Variants in PSTPIP2 observed in about 807,000 individuals in gnomAD.
PSTPIP2 encodes the protein proline-serine-threonine phosphatase interacting protein 2, also known as proline-serine-threonine phosphatase-interacting protein 2.
A neutral mutation model predicts 63.3 loss-of-function variants in PSTPIP2; 33 were observed. That is an observed-to-expected ratio of 0.52 (90% confidence interval 0.40 to 0.70). The LOEUF (loss-of-function observed/expected upper bound fraction) is 0.70, where lower values mean the gene tolerates loss of function less well. Among genes scored for constraint, PSTPIP2 ranks in the 30% least tolerant of loss-of-function variants. The pLI is 0.00. For missense variants in PSTPIP2, 312 were observed against 400.7 expected, an observed-to-expected ratio of 0.78 and a Z score of 1.89; for synonymous variants, 125 against 132.7, an observed-to-expected ratio of 0.94 and a Z score of 0.40.
intron 1 of PSTPIP2, among the ~76,000 whole-genome samples, chr18:46,040,828 G>A (rs28642893): frequency 0.019 from 2,905 of 152,276 alleles, 66 homozygotes; most frequent in African/African-American, 0.051. Context: ...TCACAGGCAC[G>A]TGGATGAGGG....
At chr18:46,028,631 G>T (rs1204207081) in intron 2 of PSTPIP2, 2 of 803,280 alleles carry the variant, frequency 2.5e-6, no homozygotes, top group Non-Finnish European at 4.3e-6. Flanking sequence ...AGCCAATTTG[G>T]GTGGATGAAG....
intron 14 of PSTPIP2, 133 bp downstream of exon 14, chr18:45,988,569 T>C (rs1048654465): frequency 1.8e-5 from 13 of 724,604 alleles, no homozygotes; most frequent in Non-Finnish European, 2.4e-5. Context: ...AGGGACAGCA[T>C]GCTGGCCAGT....
At chr18:46,003,576 T>C (rs1010294597) in intron 6 of PSTPIP2, among the ~76,000 whole-genome samples, 1 of 151,820 alleles carries the variant, frequency 6.6e-6, no homozygotes, top group East Asian at 1.9e-4. Context: ...GCTTTTTATT[T>C]ATTTTTTTTA....
At chr18:46,004,251 G>T (rs2051701399) in intron 6 of PSTPIP2, among the ~76,000 whole-genome samples, 1 of 152,146 alleles carries the variant, frequency 6.6e-6, no homozygotes, top group Admixed American at 6.5e-5. Context: ...AAAGAATGCA[G>T]CAGAACAGAT....
intron 1 of PSTPIP2, among the ~76,000 whole-genome samples, chr18:46,052,975 T>C (rs997370377): frequency 6.6e-5 from 10 of 152,190 alleles, no homozygotes; most frequent in Admixed American, 4.6e-4. Flanking sequence ...CAAGCATAGA[T>C]TGCAAGTTGA....
intron 1 of PSTPIP2, among the ~76,000 whole-genome samples, chr18:46,044,397 A>G (rs1164647108): frequency 6.6e-6 from 1 of 152,222 alleles, no homozygotes; most frequent in Non-Finnish European, 1.5e-5. Context: ...GAGAAAAACA[A>G]GCAATGGGGA....
chr18:46,036,672 C>T (rs968646728), intron 2 of PSTPIP2, among the ~76,000 whole-genome samples: 9 of 152,178 alleles, frequency 5.9e-5, no homozygotes, highest in African/African-American at 2.2e-4. Flanking sequence ...GATGAATTTA[C>T]TGCAATCTGC....
chr18:46,030,766 G>A (rs960002584), intron 2 of PSTPIP2, among the ~76,000 whole-genome samples: 2 of 152,166 alleles, frequency 1.3e-5, no homozygotes, highest in Non-Finnish European at 2.9e-5. Context: ...TTTACCTGTG[G>A]ACTTTATATT....
intron 14 of PSTPIP2, among the ~76,000 whole-genome samples, chr18:45,985,748 C>G (rs1193789035): frequency 6.6e-6 from 1 of 151,856 alleles, no homozygotes; most frequent in Non-Finnish European, 1.5e-5. Context: ...AACTACAAAA[C>G]AAATCACAAA....
chr18:46,043,940 A>G (rs904017213), intron 1 of PSTPIP2, among the ~76,000 whole-genome samples: 2 of 152,236 alleles, frequency 1.3e-5, no homozygotes, highest in Non-Finnish European at 2.9e-5. Flanking sequence ...AAGTTTTGCA[A>G]GATTTCTTCA....
chr18:46,024,774 G>A, intron 2 of PSTPIP2, 88 bp from the exon 3 acceptor site: 1 of 992,800 alleles, frequency 1.0e-6, no homozygotes, highest in South Asian at 1.3e-5. Flanking sequence ...AAGCAAAACT[G>A]CACCTGTGAC....
chr18:46,025,963 C>T (rs1231726288), intron 2 of PSTPIP2, among the ~76,000 whole-genome samples: 2 of 152,198 alleles, frequency 1.3e-5, no homozygotes, highest in South Asian at 4.1e-4. Context: ...CCATGTTGGC[C>T]AGGCTGGTCT....
intron 1 of PSTPIP2, among the ~76,000 whole-genome samples, chr18:46,043,845 A>G (rs2144115207): frequency 6.6e-6 from 1 of 152,268 alleles, no homozygotes; most frequent in East Asian, 1.9e-4. Flanking sequence ...ATTTCTATAT[A>G]CCGGTGGAAA....
intron 1 of PSTPIP2, among the ~76,000 whole-genome samples, chr18:46,071,711 A>G (rs887002324): frequency 6.6e-6 from 1 of 152,150 alleles, no homozygotes; most frequent in Non-Finnish European, 1.5e-5. Context: ...ATCCCCCCAG[A>G]TCCTCTCACG....
intron 1 of PSTPIP2, among the ~76,000 whole-genome samples, chr18:46,053,502 T>A (rs1908649796): frequency 6.6e-6 from 1 of 152,210 alleles, no homozygotes; most frequent in Non-Finnish European, 1.5e-5. Context: ...CCCAGCTTGA[T>A]CTAATGAACA....
At chr18:45,998,398 C>T (rs1390843459) in intron 8 of PSTPIP2, among the ~76,000 whole-genome samples, 1 of 152,190 alleles carries the variant, frequency 6.6e-6, no homozygotes, top group South Asian at 2.1e-4. Flanking sequence ...TAAGAGCTAC[C>T]GGGGCTGAAA....
At chr18:46,050,302 G>T (rs1166039322) in intron 1 of PSTPIP2, among the ~76,000 whole-genome samples, 1 of 152,186 alleles carries the variant, frequency 6.6e-6, no homozygotes, top group Non-Finnish European at 1.5e-5. Context: ...AAGTGCAGTG[G>T]TTCACAATCA....
chr18:46,009,381 AAAAAAAAAAAC>A lies in PSTPIP2; in HGVS notation c.354+1789_354+1799del, dbSNP rs962764085. Among the ~76,000 whole-genome samples, 12 of 134,680 alleles carry A rather than the reference AAAAAAAAAAAC, an allele frequency of 8.9e-5. No homozygotes were observed. The East Asian group carries it at 2.0e-3, about 22-fold the overall frequency. The allele number at this position is 134,680 out of a possible 152,430, so 88.4% of individuals were successfully genotyped here. On this transcript the variant is annotated intron_variant, in intron 5 of 14. Coordinates refer to ENST00000409746, the MANE Select transcript of PSTPIP2 (RefSeq NM_024430.4). ...ATGGTGTAAAAAAAAAAAAAAAAAA[AAAAAAAAAAAC>A]CTAGCTAAATACGGAAGTGGTAAAA...
At chr18:46,038,065 C>T (rs1332347633) in intron 2 of PSTPIP2, among the ~76,000 whole-genome samples, 1 of 152,088 alleles carries the variant, frequency 6.6e-6, no homozygotes, top group Non-Finnish European at 1.5e-5. Flanking sequence ...TTATGACCAG[C>T]AATTTTTTTT....
Sources: allele counts gnomAD v4.1 joint callset (sites outside exome capture counted in the v4.1 genomes callset), GRCh38; gene constraint gnomAD v4.1.1; transcripts MANE v1.5; gene names NCBI Gene and HGNC (gene_info 2026-07-23, HGNC 2026-07-21).